Variants in CDYL observed in about 807,000 individuals in gnomAD.
The protein encoded by CDYL is chromodomain Y like.
In CDYL, 8 loss-of-function variants were observed where a neutral mutation model predicts 47.3. That is an observed-to-expected ratio of 0.17 (90% CI 0.10 to 0.31). The LOEUF (loss-of-function observed/expected upper bound fraction) is 0.31. Ranked by LOEUF, CDYL falls within the 10% of genes least tolerant of loss-of-function variation. The probability of loss-of-function intolerance (pLI) is 1.00; values close to 1 mark genes in which losing one functional copy is unlikely to be tolerated. For missense variants in CDYL, 471 were observed against 701.4 expected, an observed-to-expected ratio of 0.67 and a Z score of 3.71; for synonymous variants, 266 against 265.0, an observed-to-expected ratio of 1.00 and a Z score of -0.04.
At chr6:4,829,792 C>A (rs116004606) in intron 1 of CDYL, among the ~76,000 whole-genome samples, 1 of 152,172 alleles carries the variant, frequency 6.6e-6, no homozygotes, top group African/African-American at 2.4e-5. Flanking sequence ...TTAGAACATA[C>A]CTACACAATT....
intron 2 of CDYL, among the ~76,000 whole-genome samples, chr6:4,920,993 A>G (rs1215806808): frequency 2.3e-5 from 1 of 43,512 alleles, no homozygotes; most frequent in East Asian, 9.3e-4. Context: ...AGCATGATAC[A>G]TCTGTGTGTG....
At chr6:4,843,400 T>G (rs1760560406) in intron 1 of CDYL, among the ~76,000 whole-genome samples, 1 of 152,078 alleles carries the variant, frequency 6.6e-6, no homozygotes, top group African/African-American at 2.4e-5. Flanking sequence ...TCCTCAATTA[T>G]TCCCTCAATA....
chr6:4,791,960 G>C (rs1381706707), intron 1 of CDYL, among the ~76,000 whole-genome samples: 1 of 149,658 alleles, frequency 6.7e-6, no homozygotes, highest in Non-Finnish European at 1.5e-5. Flanking sequence ...TCAGCTCACT[G>C]CAAGCTCCAC....
At chr6:4,812,234 A>C (rs1038975049) in intron 1 of CDYL, among the ~76,000 whole-genome samples, 1 of 152,134 alleles carries the variant, frequency 6.6e-6, no homozygotes, top group African/African-American at 2.4e-5. Flanking sequence ...TCTAAAGATC[A>C]CTCTGTGTGG....
At chr6:4,711,186 C>T (rs919797176) in intron 1 of CDYL, among the ~76,000 whole-genome samples, 1 of 152,136 alleles carries the variant, frequency 6.6e-6, no homozygotes, top group African/African-American at 2.4e-5. Flanking sequence ...GATTCTGTGG[C>T]CATGACCCTG....
At chr6:4,713,925 G>A (rs1239512855) in intron 1 of CDYL, among the ~76,000 whole-genome samples, 2 of 152,108 alleles carry the variant, frequency 1.3e-5, no homozygotes, top group Non-Finnish European at 2.9e-5. Flanking sequence ...TATCTAATAG[G>A]TAAATCACAG....
intron 5 of CDYL, among the ~76,000 whole-genome samples, chr6:4,945,220 T>A (rs1758476088): frequency 6.6e-6 from 1 of 152,192 alleles, no homozygotes; most frequent in Admixed American, 6.5e-5. Context: ...GCTTTGGTCA[T>A]CTTAAGATGT....
At chr6:4,765,154 T>G (rs2127424097) in intron 3 of CDYL, among the ~76,000 whole-genome samples, 1 of 152,230 alleles carries the variant, frequency 6.6e-6, no homozygotes, top group East Asian at 1.9e-4. Flanking sequence ...GAAACCCATC[T>G]CTACTAAAGT....
chr6:4,865,553 T>G (rs867731695), intron 1 of CDYL, among the ~76,000 whole-genome samples: 3 of 152,234 alleles, frequency 2.0e-5, no homozygotes, highest in African/African-American at 2.4e-5. Flanking sequence ...GTAACAAGCA[T>G]TTGTTTCTAA....
intron 1 of CDYL, among the ~76,000 whole-genome samples, chr6:4,837,755 G>A (rs939827635): frequency 1.3e-5 from 2 of 149,830 alleles, no homozygotes; most frequent in Admixed American, 6.7e-5. Flanking sequence ...ATGAGCCACC[G>A]CGCCCGGCCT....
At chr6:4,916,619 G>C (rs1371527028) in intron 2 of CDYL, among the ~76,000 whole-genome samples, 1 of 151,946 alleles carries the variant, frequency 6.6e-6, no homozygotes, top group Non-Finnish European at 1.5e-5. Flanking sequence ...GGGGGGGCGG[G>C]CAGTTTCTGT....
At chr6:4,794,621 T>C (rs1483347500) in intron 1 of CDYL, among the ~76,000 whole-genome samples, 1 of 152,150 alleles carries the variant, frequency 6.6e-6, no homozygotes, top group African/African-American at 2.4e-5. Context: ...GGACAGTGGC[T>C]GGAATGATTT....
intron 2 of CDYL, among the ~76,000 whole-genome samples, chr6:4,921,053 C>A (rs1757699982): frequency 6.6e-6 from 1 of 151,906 alleles, no homozygotes; most frequent in Admixed American, 6.6e-5. Context: ...CATGATACAT[C>A]CCTGAGCCAT....
chr6:4,744,616 T>G (rs1034387606), intron 3 of CDYL, among the ~76,000 whole-genome samples: 1 of 152,242 alleles, frequency 6.6e-6, no homozygotes, highest in African/African-American at 2.4e-5. Context: ...TGTCACTGTG[T>G]GCCAGGCAGT....
At chr6:4,739,009 A>G (rs1252080115) in intron 3 of CDYL, among the ~76,000 whole-genome samples, 1 of 151,958 alleles carries the variant, frequency 6.6e-6, no homozygotes, top group African/African-American at 2.4e-5. Flanking sequence ...TAAAAACACA[A>G]AATTAGCCGG....
chr6:4,939,891 A>C (rs1561720660), intron 4 of CDYL, among the ~76,000 whole-genome samples: 1 of 152,226 alleles, frequency 6.6e-6, no homozygotes, highest in Non-Finnish European at 1.5e-5. Context: ...CTGCGGTCAT[A>C]AGAAAATCGG....
At chr6:4,902,004 T>TA (rs1183319482) in intron 2 of CDYL, among the ~76,000 whole-genome samples, 1 of 152,148 alleles carries the variant, frequency 6.6e-6, no homozygotes, top group Non-Finnish European at 1.5e-5. Flanking sequence ...CTCTTCCTCC[T>TA]ACGTTTCAAG....
intron 1 of CDYL, among the ~76,000 whole-genome samples, chr6:4,783,177 G>A (rs1404833367): frequency 1.4e-5 from 2 of 140,396 alleles, no homozygotes; most frequent in Non-Finnish European, 1.5e-5. Flanking sequence ...CTTCCTTCTG[G>A]GATTTTTTTT....
Position 4,912,229 on chromosome 6 carries a change from G to A in CDYL, c.691+19850G>A, listed in dbSNP as rs538537671. Among the ~76,000 whole-genome samples, 5 of 10,476 alleles carry A rather than the reference G, an allele frequency of 4.8e-4. No homozygotes were observed. The East Asian group carries it at 0.044, about 92-fold the overall frequency. 6.9% of individuals were successfully genotyped at this position (10,476 alleles called of 152,430 possible). A position where few individuals can be genotyped will look rare whatever the true frequency, so the allele number is the denominator to read the frequency against. ...TGGTCCTTTCACCTGTTTCCAAGTT[G>A]GGAATTTTTTTTTTTCCTGACCATT... On this transcript the variant is annotated intron_variant, in intron 2 of 6. Transcript: ENST00000397588.
Sources: gnomAD v4.1 joint callset for allele counts (sites outside exome capture counted in the v4.1 genomes callset) on GRCh38, gnomAD v4.1.1 for gene constraint, MANE v1.5 for transcripts, NCBI Gene and HGNC (gene_info 2026-07-23, HGNC 2026-07-21) for gene names.